Variants in C18orf54 observed in about 807,000 individuals in gnomAD.
C18orf54 encodes the protein lung adenoma susceptibility protein 2.
C18orf54 carries 49 observed loss-of-function variants against 49.3 expected under a neutral mutation model. That is an observed-to-expected ratio of 0.99 (90% CI 0.79 to 1.26). The LOEUF (loss-of-function observed/expected upper bound fraction) is 1.26. Among genes scored for constraint, C18orf54 ranks in the 50% most tolerant of loss-of-function variants. The pLI is 0.00. For synonymous variants in C18orf54, 211 were observed against 216.6 expected, an observed-to-expected ratio of 0.97 and a Z score of 0.23; for missense variants, 687 against 620.6, an observed-to-expected ratio of 1.11 and a Z score of -1.14.
At position 54,380,026 on chromosome 18, in the gene C18orf54, T is replaced by G. The variant is rs932713974; in HGVS notation, c.*1780T>G. The stretch of plus-strand genomic sequence containing the variant: ...ACTTACCAAAGGAACATTGTTTGTT[T>G]TCTCTTGTTTTAAATATGGAGAGGT... On this transcript the variant is annotated 3_prime_UTR_variant, in exon 9 of 9. Coordinates refer to ENST00000620105, the MANE Select transcript of C18orf54 (RefSeq NM_001288980.2). The G allele has an allele frequency of 6.6e-6, 1 of 152,096 alleles. No homozygotes were observed. Among genetic ancestry groups the G allele is most frequent in the Non-Finnish European group, 1.5e-5 (1 of 67,944 alleles). 9.4% of individuals were successfully genotyped at this position (152,096 alleles called of 1,614,324 possible).
rs999668233 is a variant in C18orf54, at chr18:54,380,479, G to A, written c.*2233G>A. The A allele has an allele frequency of 1.3e-5, 2 of 151,992 alleles. No individual in the cohort carries two copies. Among genetic ancestry groups the A allele is most frequent in the African/African-American group, 4.8e-5 (2 of 41,428 alleles). The allele number at this position is 151,992 out of a possible 1,614,324, so 9.4% of individuals were successfully genotyped here. On this transcript the variant is annotated 3_prime_UTR_variant, in exon 9 of 9. Transcript: ENST00000620105. ...ATTTCAAAAAACTATTTGAGATCAAGGGACAATGGTGTGACCAATATGAAG... is the reference window on the plus strand; with the variant it reads ...ATTTCAAAAAACTATTTGAGATCAAAGGACAATGGTGTGACCAATATGAAG...
intron 6 of C18orf54, 78 bp from the exon 7 acceptor site, chr18:54,372,388 G>A (rs1361350684): frequency 8.1e-7 from 1 of 1,238,140 alleles, no homozygotes; most frequent in Non-Finnish European, 1.1e-6. Context: ...TTCTATTGGG[G>A]AAATTAATAC....
At position 54,378,189 on chromosome 18, in the gene C18orf54, A is replaced by G; in HGVS notation, c.1545A>G (p.Leu515=). ...TRSLQKALHH[L]SRLRDLVDDT... ...TTTAATGAAGGGCTTTGCACCATTT[A>G]TCTCGCCTGAGAGACCTGGTTGATG... The change falls in exon 9 of 9, where the codon TTA becomes TTG. Residue 515 remains leucine (L), a synonymous_variant. Coordinates refer to ENST00000620105, the MANE Select transcript of C18orf54 (RefSeq NM_001288980.2). The G allele has an allele frequency of 1.9e-6, 3 of 1,613,488 alleles. No individual in the cohort carries two copies. Among genetic ancestry groups the G allele is most frequent in the Non-Finnish European group, 2.5e-6 (3 of 1,179,652 alleles).
At chr18:54,363,885 C>G (rs1053708081) in intron 5 of C18orf54, 5 of 151,878 alleles carry the variant, frequency 3.3e-5, no homozygotes, top group Non-Finnish European at 7.4e-5. Context: ...AGTTTAGAAG[C>G]CTACGTCTGC....
intron 8 of C18orf54, among the ~76,000 whole-genome samples, chr18:54,377,161 T>C (rs1424305797): frequency 1.3e-5 from 2 of 152,062 alleles, no homozygotes; most frequent in Non-Finnish European, 2.9e-5. Context: ...GCCTCCTGAG[T>C]AGCTGGGATG....
At chr18:54,368,147 C>T (rs1020178943) in intron 6 of C18orf54, among the ~76,000 whole-genome samples, 1 of 151,882 alleles carries the variant, frequency 6.6e-6, no homozygotes, top group Non-Finnish European at 1.5e-5. Flanking sequence ...TTTAAAAAAA[C>T]ATGATTTTGA....
At chr18:54,363,562 C>G (rs374701094) in intron 5 of C18orf54, among the ~76,000 whole-genome samples, 45 of 152,064 alleles carry the variant, frequency 3.0e-4, no homozygotes, top group Non-Finnish European at 6.0e-4. Flanking sequence ...GTGATCCGCC[C>G]GCCTCTGCCT....
At chr18:54,363,576 A>G (rs1378887667) in intron 5 of C18orf54, among the ~76,000 whole-genome samples, 2 of 152,148 alleles carry the variant, frequency 1.3e-5, no homozygotes, top group African/African-American at 4.8e-5. Flanking sequence ...TCTGCCTCCC[A>G]AAGTGCTGGG....
At position 54,365,738 on chromosome 18, in the gene C18orf54, A is replaced by G; in HGVS notation, c.1243A>G (p.Asn415Asp). ...PVTFKSPVPV[N>D]SDDSPQQTSR... is the part of the protein sequence containing the mutation. ...GTTTAGCAAATCTCCTGTTCCCGTT[A>G]ACTCTGATGATAGTCCTCAACAAAC... Residue 415 changes from asparagine (N) to aspartate (D), a missense_variant, in exon 6 of 9, where the codon AAC (asparagine) becomes GAC (aspartate). Transcript: ENST00000620105. The G allele has an allele frequency of 6.3e-7, 1 of 1,595,376 alleles. No homozygotes were observed. The highest frequency in any genetic ancestry group is 8.6e-7 in the Non-Finnish European group (1 of 1,167,440).
chr18:54,359,699 A>T (rs2144713797), intron 2 of C18orf54, among the ~76,000 whole-genome samples: 1 of 152,340 alleles, frequency 6.6e-6, no homozygotes, highest in Non-Finnish European at 1.5e-5. Context: ...GTCATCATGG[A>T]CTGAATTAGT....
In C18orf54 at chr18:54,372,415, T is replaced by C. The variant is rs759562914; in HGVS notation, c.1327-51T>C. The C allele has an allele frequency of 2.9e-6, 4 of 1,393,358 alleles. No homozygotes were observed. In the Admixed American group the frequency reaches 1.0e-4, roughly 36 times the overall value. The allele number at this position is 1,393,358 out of a possible 1,614,324, so 86.3% of individuals were successfully genotyped here. On this transcript the variant is annotated intron_variant, in intron 6 of 8. Transcript: ENST00000620105. ...AATTAATACAAAATAAAACTCTTCTTTCCCTGAGCTTGGATGGTTAACTTT... is the reference window on the plus strand; with the variant it reads ...AATTAATACAAAATAAAACTCTTCTCTCCCTGAGCTTGGATGGTTAACTTT...
chr18:54,375,520 A>G (rs935652713), intron 8 of C18orf54, among the ~76,000 whole-genome samples: 3 of 150,256 alleles, frequency 2.0e-5, no homozygotes, highest in East Asian at 3.9e-4. Context: ...TAAGTTTTCC[A>G]TTGCTCTTTA....
intron 6 of C18orf54, among the ~76,000 whole-genome samples, chr18:54,369,216 A>T (rs1041477896): frequency 1.3e-5 from 2 of 152,158 alleles, no homozygotes; most frequent in Non-Finnish European, 2.9e-5. Flanking sequence ...ATGTGTTTAC[A>T]TATAAATAAA....
rs1022991213 is a variant in C18orf54, at chr18:54,378,491, C to T, written c.*245C>T. ...ACAATATATCCTGAAGTCTTACTTT[C>T]GCCTTCTGGCCAGCAAATGTCTAAT... On this transcript the variant is annotated 3_prime_UTR_variant, in exon 9 of 9. Transcript: ENST00000620105. 6 of 275,562 alleles carry T rather than the reference C, an allele frequency of 2.2e-5. No individual in the cohort carries two copies. The highest frequency in any genetic ancestry group is 1.6e-4 in the Admixed American group (3 of 19,206). The allele number at this position is 275,562 out of a possible 1,614,324, so 17.1% of individuals were successfully genotyped here.
At chr18:54,362,730 AT>A in intron 4 of C18orf54, 40 bp from the exon 5 acceptor site, 1 of 1,550,042 alleles carries the variant, frequency 6.5e-7, no homozygotes, top group East Asian at 2.3e-5. Flanking sequence ...CTTTACATTA[AT>A]TTTTTTCTTC....
rs2089533975 is a variant in C18orf54, at chr18:54,374,211, T to C, written c.1459-3T>C. The stretch of plus-strand genomic sequence containing the variant: ...TTGTTATATTTGGTGTTTTTAATAA[T>C]AGGTTTCAGAAGATGATTTCTCTAA... On this transcript the variant is annotated splice_region_variant and splice_polypyrimidine_tract_variant and intron_variant, in intron 7 of 8. Coordinates refer to ENST00000620105, the MANE Select transcript of C18orf54 (RefSeq NM_001288980.2). The C allele has an allele frequency of 6.4e-7, 1 of 1,562,298 alleles. No homozygotes were observed. The highest frequency in any genetic ancestry group is 1.4e-5 in the African/African-American group (1 of 73,180).
intron 6 of C18orf54, among the ~76,000 whole-genome samples, chr18:54,367,666 A>G (rs556168760): frequency 5.3e-5 from 8 of 152,062 alleles, no homozygotes; most frequent in Non-Finnish European, 1.0e-4. Context: ...CAGTGTAACC[A>G]TAGTGTGCCT....
Position 54,379,287 on chromosome 18 carries a change from TTAC to T in C18orf54, c.*1043_*1045del, listed in dbSNP as rs911667084. 3.9e-5 allele frequency: 6 copies of T among 152,042 alleles called. No individual in the cohort carries two copies. The highest frequency in any genetic ancestry group is 7.4e-5 in the Non-Finnish European group (5 of 67,948). 9.4% of individuals were successfully genotyped at this position (152,042 alleles called of 1,614,324 possible). On this transcript the variant is annotated 3_prime_UTR_variant, in exon 9 of 9. Transcript: ENST00000620105. The stretch of plus-strand genomic sequence containing the variant: ...CATAAAACATAACTAATACAGCACA[TTAC>T]TGCCTGACAAAATTAAAGAGTACTG...
chr18:54,367,089 A>G (rs566505006), intron 6 of C18orf54, among the ~76,000 whole-genome samples: 2 of 152,232 alleles, frequency 1.3e-5, no homozygotes, highest in African/African-American at 4.8e-5. Context: ...TAGTTGGACA[A>G]TGTTATTTTT....
Sources: gnomAD v4.1 joint callset for allele counts (sites outside exome capture counted in the v4.1 genomes callset) on GRCh38, gnomAD v4.1.1 for gene constraint, MANE v1.5 for transcripts, NCBI Gene and HGNC (gene_info 2026-07-23, HGNC 2026-07-21) for gene names.